Variants in RAB27B observed in about 807,000 individuals in gnomAD.
RAB27B encodes ras-related protein Rab-27B.
In RAB27B, 15 loss-of-function variants were observed where a neutral mutation model predicts 24.6. The ratio of observed to expected loss-of-function variants is 0.61; its 90% CI spans 0.41 to 0.94. The LOEUF (loss-of-function observed/expected upper bound fraction) is 0.94, where lower values mean the gene tolerates loss of function less well. Among genes scored for constraint, RAB27B ranks in the 40% least tolerant of loss-of-function variants. The pLI, the probability that RAB27B is intolerant of heterozygous loss-of-function variation, is 0.00. For missense variants in RAB27B, 261 were observed against 266.8 expected (o/e 0.98, Z 0.15); for synonymous variants, 105 against 92.5 (o/e 1.14, Z -0.78).
chr18:54,754,242 T>G (rs1907931485), intron 2 of RAB27B, among the ~76,000 whole-genome samples: 1 of 152,120 alleles, frequency 6.6e-6, no homozygotes, highest in South Asian at 2.1e-4. Flanking sequence ...TCTTGTTCTC[T>G]CTCTCGTCAC....
rs1021937997 is a variant in RAB27B at position 54,812,417 on chromosome 18, C to T, written c.-19-65150C>T. On this transcript the variant is annotated intron_variant, in intron 2 of 4. Transcript: ENST00000586570. ...TTTTACGAGTAAAGAAATTTTATTG[C>T]CAAATTGCTTTGGATGAGATAGGCT... 9.2e-5 allele frequency among the ~76,000 whole-genome samples: 14 copies of T among 152,078 alleles called. No individual in the cohort carries two copies. In the East Asian group the frequency reaches 1.9e-3, roughly 21 times the overall value.
chr18:54,756,048 G>T (rs1907995361), intron 2 of RAB27B, among the ~76,000 whole-genome samples: 1 of 152,140 alleles, frequency 6.6e-6, no homozygotes, highest in Non-Finnish European at 1.5e-5. Flanking sequence ...GTTTATTTGT[G>T]TCTCTATACA....
chr18:54,793,456 A>G (rs1453770288), intron 2 of RAB27B, among the ~76,000 whole-genome samples: 1 of 150,604 alleles, frequency 6.6e-6, no homozygotes, highest in Non-Finnish European at 1.5e-5. Flanking sequence ...AAGAATCCCC[A>G]CATATACTCA....
chr18:54,728,903 CAAAAAAAAAAA>C (rs58878407), intron 2 of RAB27B, among the ~76,000 whole-genome samples: 1 of 68,254 alleles, frequency 1.5e-5, no homozygotes, highest in Non-Finnish European at 2.5e-5. Context: ...AAAAAAAACC[CAAAAAAAAAAA>C]AAAAAAAAAC....
At chr18:54,742,125 T>C (rs1910091170) in intron 2 of RAB27B, among the ~76,000 whole-genome samples, 1 of 152,186 alleles carries the variant, frequency 6.6e-6, no homozygotes, top group Non-Finnish European at 1.5e-5. Flanking sequence ...AAAGCAGTCT[T>C]ATTTTTCTGA....
At position 54,721,640 on chromosome 18, in the gene RAB27B, A is replaced by C. The variant is rs367898815; in HGVS notation, c.-20+3499A>C. Among the ~76,000 whole-genome samples the C allele has an allele frequency of 5.3e-5, 8 of 152,314 alleles. No individual in the cohort carries two copies. In the East Asian group the frequency reaches 1.3e-3, roughly 26 times the overall value. On this transcript the variant is annotated intron_variant, in intron 2 of 4. Coordinates refer to the RAB27B transcript ENST00000586570. ...CACAGTTTCCATCATTTTGTGAAGG[A>C]ATAGAGGCAAAAAGCAAGCAATTAA...
chr18:54,841,154 C>CA (rs1555662075), intron 1 of RAB27B, among the ~76,000 whole-genome samples: 4 of 8,642 alleles, frequency 4.6e-4, no homozygotes, highest in Non-Finnish European at 1.3e-3. Context: ...CTTTGGGTGG[C>CA]GGGGCGGTGG....
intron 2 of RAB27B, among the ~76,000 whole-genome samples, chr18:54,788,478 C>G (rs1421931772): frequency 6.6e-6 from 1 of 151,992 alleles, no homozygotes; most frequent in Non-Finnish European, 1.5e-5. Context: ...AATTTTTGTG[C>G]TTTTAGTGGA....
intron 1 of RAB27B, among the ~76,000 whole-genome samples, chr18:54,837,139 A>G (rs962257978): frequency 1.3e-5 from 2 of 152,098 alleles, no homozygotes; most frequent in Admixed American, 1.3e-4. Flanking sequence ...AGATAATTTT[A>G]ATGTAACTTG....
chr18:54,868,316 A>G (rs754155520), intron 1 of RAB27B, among the ~76,000 whole-genome samples: 1 of 152,078 alleles, frequency 6.6e-6, no homozygotes, highest in Non-Finnish European at 1.5e-5. Context: ...CTTTTGCCAT[A>G]TGATGTACCT....
intron 2 of RAB27B, among the ~76,000 whole-genome samples, chr18:54,775,861 G>A (rs59124928): frequency 0.068 from 10,280 of 152,228 alleles, 470 homozygotes; most frequent in African/African-American, 0.11. Context: ...CCTCGGCACA[G>A]TCATTCAACA....
intron 2 of RAB27B, among the ~76,000 whole-genome samples, chr18:54,764,860 T>A (rs1311816227): frequency 6.6e-6 from 1 of 152,154 alleles, no homozygotes; most frequent in Non-Finnish European, 1.5e-5. Context: ...GTCTGTGGCA[T>A]CTCACAATTG....
In RAB27B at chr18:54,799,474, A is replaced by G. The variant is rs147634403; in HGVS notation, c.-19-78093A>G. On this transcript the variant is annotated intron_variant, in intron 2 of 4. Coordinates refer to the RAB27B transcript ENST00000586570. Reference sequence around the variant, plus strand: ...ATATGTGAACATTTTATAAATTTAAATATATATGTTTCAGATTGATTTATA... The same window carrying G: ...ATATGTGAACATTTTATAAATTTAAGTATATATGTTTCAGATTGATTTATA... 5.8e-3 allele frequency among the ~76,000 whole-genome samples: 877 copies of G among 152,222 alleles called. 21 individuals carry two copies. The highest frequency in any genetic ancestry group is 0.038 in the Admixed American group (587 of 15,286).
chr18:54,806,619 T>C (rs1365656630), intron 2 of RAB27B, among the ~76,000 whole-genome samples: 1 of 150,282 alleles, frequency 6.7e-6, no homozygotes, highest in East Asian at 1.9e-4. Context: ...TTATGTTTGA[T>C]ATTGTATCAT....
chr18:54,768,425 CT>C (rs1464864768), intron 2 of RAB27B, among the ~76,000 whole-genome samples: 1 of 152,014 alleles, frequency 6.6e-6, no homozygotes. Context: ...TAACTTGCAA[CT>C]TTTTTTCCTA....
intron 2 of RAB27B, among the ~76,000 whole-genome samples, chr18:54,760,944 T>G (rs915497239): frequency 2.6e-5 from 4 of 151,884 alleles, no homozygotes; most frequent in African/African-American, 9.7e-5. Flanking sequence ...AGATCATTGT[T>G]GAATCAATGG....
At chr18:54,801,050 T>C (rs2145129796) in intron 2 of RAB27B, among the ~76,000 whole-genome samples, 1 of 146,594 alleles carries the variant, frequency 6.8e-6, no homozygotes, top group South Asian at 2.2e-4. Context: ...TCTTGCTCTG[T>C]TGCCCAGGCT....
chr18:54,785,068 T>C (rs554028035), intron 2 of RAB27B, among the ~76,000 whole-genome samples: 1 of 151,314 alleles, frequency 6.6e-6, no homozygotes, highest in South Asian at 2.1e-4. Flanking sequence ...CATTCCTGCC[T>C]CAGGGCCTTT....
chr18:54,733,621 T>A (rs1196876030), intron 2 of RAB27B, among the ~76,000 whole-genome samples: 1 of 145,876 alleles, frequency 6.9e-6, no homozygotes, highest in African/African-American at 2.5e-5. Context: ...GTAGTACCTA[T>A]AAATTTAGGT....
Sources: gnomAD v4.1 joint callset for allele counts (sites outside exome capture counted in the v4.1 genomes callset) on GRCh38, gnomAD v4.1.1 for gene constraint, MANE v1.5 for transcripts, NCBI Gene and HGNC (gene_info 2026-07-23, HGNC 2026-07-21) for gene names.